The following TSEN2 variants were observed in gnomAD, a reference collection of about 807,000 sequenced individuals.
The protein encoded by TSEN2 is tRNA-splicing endonuclease subunit Sen2.
A neutral mutation model predicts 59.2 loss-of-function variants in TSEN2; 54 were observed. That is an observed-to-expected ratio of 0.91 (90% confidence interval 0.73 to 1.14). The LOEUF is 1.14. TSEN2 is among the 50% of genes most tolerant of loss of function. TSEN2 has a pLI of 0.00. For synonymous variants in TSEN2, 195 were observed against 198.2 expected, an observed-to-expected ratio of 0.98 and a Z score of 0.14; for missense variants, 636 against 576.2, an observed-to-expected ratio of 1.10 and a Z score of -1.06.
At chr3:12,497,165 G>C (rs745777457) in intron 4 of TSEN2, among the ~76,000 whole-genome samples, 7 of 152,146 alleles carry the variant, frequency 4.6e-5, no homozygotes, top group Non-Finnish European at 1.0e-4. Context: ...GTCATACGTG[G>C]GTTTAGACTG....
intron 4 of TSEN2, among the ~76,000 whole-genome samples, chr3:12,498,837 A>G (rs1029936665): frequency 6.6e-6 from 1 of 152,246 alleles, no homozygotes; most frequent in African/African-American, 2.4e-5. Context: ...AACACTTGGA[A>G]TCACAATCTA....
intron 11 of TSEN2, among the ~76,000 whole-genome samples, chr3:12,531,969 C>T (rs2057487635): frequency 6.6e-6 from 1 of 152,192 alleles, no homozygotes; most frequent in Non-Finnish European, 1.5e-5. Flanking sequence ...GTCTCATTCC[C>T]AGAGACCAGA....
chr3:12,532,757 T>C lies in TSEN2; in HGVS notation c.*36T>C. Reference sequence around the variant, plus strand: ...TCAAATTTCTAATTTCACCAACAACTATTTATTGAGGGCTAGGTAAAAAGT... The same window carrying C: ...TCAAATTTCTAATTTCACCAACAACCATTTATTGAGGGCTAGGTAAAAAGT... On this transcript the variant is annotated 3_prime_UTR_variant, in exon 12 of 12. Coordinates refer to ENST00000284995, the MANE Select transcript of TSEN2 (RefSeq NM_025265.4). 1 of 1,605,814 alleles carries C rather than the reference T, an allele frequency of 6.2e-7. No individual in the cohort carries two copies. Among genetic ancestry groups the C allele is most frequent in the East Asian group, 2.2e-5 (1 of 44,834 alleles).
intron 5 of TSEN2, 125 bp downstream of exon 5, chr3:12,503,909 C>A: frequency 7.9e-7 from 1 of 1,265,268 alleles, no homozygotes; most frequent in Non-Finnish European, 1.1e-6. Context: ...AAGCAGCAGG[C>A]TTTGGGCCAC....
At chr3:12,534,794 ACT>A (rs1448904630), downstream of TSEN2, among the ~76,000 whole-genome samples, 13 of 130,876 alleles carry the variant, frequency 9.9e-5, no homozygotes, top group Admixed American at 2.5e-4. Context: ...ACAGAGCGAG[ACT>A]CTGTCTCAAA....
At chr3:12,530,293 G>A (rs763986933) in intron 10 of TSEN2, 55 of 993,386 alleles carry the variant, frequency 5.5e-5, no homozygotes, top group Non-Finnish European at 6.6e-5. Context: ...CTTGATATTT[G>A]TTGCTAAGCA....
chr3:12,512,238 G>C (rs2055549365), intron 6 of TSEN2, among the ~76,000 whole-genome samples: 1 of 152,186 alleles, frequency 6.6e-6, no homozygotes, highest in African/African-American at 2.4e-5. Context: ...CAAAATGGCA[G>C]AATATTTTTA....
upstream of TSEN2, among the ~76,000 whole-genome samples, chr3:12,480,733 C>T (rs1482351212): frequency 6.6e-6 from 1 of 151,706 alleles, no homozygotes; most frequent in African/African-American, 2.4e-5. Flanking sequence ...GGGGTTTTGC[C>T]ATGTTGGCCA....
At chr3:12,519,750 G>A (rs2655262) in intron 8 of TSEN2, among the ~76,000 whole-genome samples, 96,233 of 150,102 alleles carry the variant, frequency 0.64, 33,316 homozygotes, top group African/African-American at 0.91. Context: ...GTCTCAAAAG[G>A]AAAAAAAAAG....
chr3:12,511,057 C>T (rs1476276592), intron 6 of TSEN2: 1 of 152,098 alleles, frequency 6.6e-6, no homozygotes, highest in African/African-American at 2.4e-5. Context: ...GAGAAAAGAA[C>T]TGCAGTTTTG....
chr3:12,523,820 GT>G (rs1231004134), intron 8 of TSEN2, among the ~76,000 whole-genome samples: 4 of 152,036 alleles, frequency 2.6e-5, no homozygotes, highest in Non-Finnish European at 4.4e-5. Context: ...AATTACAGGC[GT>G]GAGCCGTGGC....
At chr3:12,485,474 C>A (rs540831097) in intron 1 of TSEN2, among the ~76,000 whole-genome samples, 1 of 152,254 alleles carries the variant, frequency 6.6e-6, no homozygotes, top group Non-Finnish European at 1.5e-5. Flanking sequence ...GAGTCACTTT[C>A]CACATCTGTA....
At chr3:12,506,636 C>CCT (rs1575331427) in intron 6 of TSEN2, 1 of 951,842 alleles carries the variant, frequency 1.1e-6, no homozygotes, top group East Asian at 1.2e-4. Flanking sequence ...TCATATTGTC[C>CCT]CAGTGACCTG....
chr3:12,519,263 A>G, intron 8 of TSEN2, 66 bp downstream of exon 8: 2 of 1,597,708 alleles, frequency 1.3e-6, no homozygotes, highest in South Asian at 1.1e-5. Flanking sequence ...TAGAATATCA[A>G]ATTGATCTTG....
chr3:12,503,869 T>C, intron 5 of TSEN2, 85 bp downstream of exon 5: 1 of 1,522,190 alleles, frequency 6.6e-7, no homozygotes, highest in Non-Finnish European at 8.9e-7. Context: ...TGCCTGCAGC[T>C]GGTAGCTGGC....
intron 6 of TSEN2, among the ~76,000 whole-genome samples, chr3:12,510,940 A>G (rs2055381595): frequency 6.6e-6 from 1 of 152,120 alleles, no homozygotes; most frequent in Non-Finnish European, 1.5e-5. Context: ...TCTCTCTATA[A>G]ATATATTTAT....
chr3:12,488,242 A>G (rs1427238790), intron 1 of TSEN2, among the ~76,000 whole-genome samples: 1 of 152,204 alleles, frequency 6.6e-6, no homozygotes, highest in African/African-American at 2.4e-5. Flanking sequence ...TACTGAGTGC[A>G]GGAGCCACCT....
intron 3 of TSEN2, among the ~76,000 whole-genome samples, chr3:12,494,969 T>A (rs375896721): frequency 6.7e-6 from 1 of 149,832 alleles, no homozygotes; most frequent in African/African-American, 2.5e-5. Context: ...CTACCAAAAA[T>A]ACAAAAATGA....
rs531497302 is a variant in TSEN2 at position 12,516,656 on chromosome 3, G to A, written c.955G>A (p.Glu319Lys). 4 of 1,613,916 alleles carry A rather than the reference G, an allele frequency of 2.5e-6. No homozygotes were observed. The African/African-American group carries it at 4.0e-5, about 16-fold the overall frequency. The change falls in exon 7 of 12, where the codon GAG becomes AAG. Residue 319 changes from glutamate to lysine, a missense_variant. Transcript: ENST00000284995. ...TCTGGGATGTTTAAGTATTTACTAT[G>A]AGAAGGTAAGATGCTTTGTTTACAT... ...YALGCLSIYY[E>K]KEPLTIVKLW... is the part of the protein sequence containing the mutation.
Sources: allele counts gnomAD v4.1 joint callset (sites outside exome capture counted in the v4.1 genomes callset), GRCh38; gene constraint gnomAD v4.1.1; transcripts MANE v1.5; gene names NCBI Gene and HGNC (gene_info 2026-07-23, HGNC 2026-07-21).